Variants in IST1 observed in about 807,000 individuals in gnomAD.
IST1 encodes IST1 factor associated with ESCRT-III, also known as IST1 homolog.
In IST1, 23 loss-of-function variants were observed where a neutral mutation model predicts 37.0. The ratio of observed to expected loss-of-function variants is 0.62; its 90% CI spans 0.45 to 0.88. The LOEUF (loss-of-function observed/expected upper bound fraction) is 0.88, where lower values mean the gene tolerates loss of function less well. Among genes scored for constraint, IST1 ranks in the 40% least tolerant of loss-of-function variants. The pLI, the probability that IST1 is intolerant of heterozygous loss-of-function variation, is 0.00. For missense variants in IST1, 488 were observed against 445.4 expected (o/e 1.10, Z -0.86); for synonymous variants, 180 against 161.7 (o/e 1.11, Z -0.86).
chr16:71,922,992 A>G (rs1006341045), intron 7 of IST1: 5 of 486,332 alleles, frequency 1.0e-5, no homozygotes, highest in Non-Finnish European at 1.8e-5. Context: ...AATTATTACC[A>G]GGCAGAACAA....
intron 4 of IST1, among the ~76,000 whole-genome samples, chr16:71,918,417 C>CTT (rs71695136): frequency 8.7e-6 from 1 of 115,330 alleles, no homozygotes; most frequent in African/African-American, 3.2e-5. Flanking sequence ...CTTATGTAGG[C>CTT]TTTTTTTTTT....
At chr16:71,912,232 C>T (rs1395046097) in intron 1 of IST1, among the ~76,000 whole-genome samples, 1 of 151,932 alleles carries the variant, frequency 6.6e-6, no homozygotes, top group Non-Finnish European at 1.5e-5. Context: ...CCTGTTCTGT[C>T]TCCATTATAA....
intron 1 of IST1, among the ~76,000 whole-genome samples, chr16:71,904,118 T>G (rs908757315): frequency 1.3e-5 from 2 of 152,082 alleles, no homozygotes; most frequent in African/African-American, 4.8e-5. Flanking sequence ...GTTCTATTTG[T>G]TTGGTGGTGG....
chr16:71,928,053 T>C lies in IST1; in HGVS notation c.*240T>C, dbSNP rs555822751. 88 of 482,774 alleles carry C rather than the reference T, an allele frequency of 1.8e-4. No individual in the cohort carries two copies. Among genetic ancestry groups the C allele is most frequent in the African/African-American group, 1.4e-3 (71 of 51,114 alleles). The allele number at this position is 482,774 out of a possible 1,614,324, so 29.9% of individuals were successfully genotyped here. A position where few individuals can be genotyped will look rare whatever the true frequency, so the allele number is the denominator to read the frequency against. On this transcript the variant is annotated 3_prime_UTR_variant, in exon 10 of 10. Coordinates refer to ENST00000378799, the MANE Select transcript of IST1 (RefSeq NM_001270975.2). ...GGCTCCTGGCAGCTGTGCTTGTCCG[T>C]TTCCTGTCAGAGTGATCCCAGGTTT...
chr16:71,915,669 G>A lies in IST1; in HGVS notation c.29G>A (p.Arg10His), dbSNP rs141817139. The change falls in exon 2 of 10, where the codon CGC becomes CAC. Residue 10 changes from arginine to histidine, a missense_variant. By Grantham distance (29) the Arg-to-His change is conservative. Around this residue, in one of 2 missense-constraint regions of IST1, gnomAD observed 33 missense variants for 59.3 expected, o/e 0.56. Transcript: ENST00000378799. The stretch of plus-strand genomic sequence containing the variant: ...CTGGGCTCTGGATTTAAAGCTGAGC[G>A]CTTAAGAGTGAATTTGAGATTAGTC... MLGSGFKAERLRVNLRLVIN... is the reference protein window; with the variant it reads MLGSGFKAEHLRVNLRLVIN... 17 of 1,613,198 alleles carry A rather than the reference G, an allele frequency of 1.1e-5. No individual in the cohort carries two copies. The highest frequency in any genetic ancestry group is 3.3e-5 in the South Asian group (3 of 91,004).
intron 1 of IST1, chr16:71,903,051 T>C (rs553850664): frequency 3.3e-5 from 5 of 152,296 alleles, no homozygotes; most frequent in Non-Finnish European, 5.9e-5. Context: ...GCAGTGGGCA[T>C]GATCATAGCT....
chr16:71,927,394 CAGG>C (rs751757502), intron 9 of IST1, among the ~76,000 whole-genome samples: 97 of 150,990 alleles, frequency 6.4e-4, no homozygotes, highest in Non-Finnish European at 1.1e-3. Context: ...GAGGCTGAGG[CAGG>C]AGAATTGCCT....
At chr16:71,922,797 G>C (rs1752149625) in intron 7 of IST1, 117 bp downstream of exon 7, 1 of 792,140 alleles carries the variant, frequency 1.3e-6, no homozygotes, top group South Asian at 1.7e-5. Context: ...AAGAACATTT[G>C]GTATTAGCTG....
intron 1 of IST1, among the ~76,000 whole-genome samples, chr16:71,896,341 C>A (rs2036971433): frequency 6.6e-6 from 1 of 151,930 alleles, no homozygotes; most frequent in Non-Finnish European, 1.5e-5. Context: ...CACTGTCTGT[C>A]GTAGTAAACT....
chr16:71,920,613 A>C (rs2037557551), intron 4 of IST1, 126 bp from the exon 5 acceptor site: 1 of 646,566 alleles, frequency 1.5e-6, no homozygotes, highest in Non-Finnish European at 2.8e-6. Context: ...ATACCCCTTA[A>C]GGTTTTGCAG....
intron 1 of IST1, among the ~76,000 whole-genome samples, chr16:71,911,710 A>ATT (rs550809762): frequency 1.1e-3 from 96 of 90,854 alleles, no homozygotes; most frequent in African/African-American, 1.2e-3. Context: ...TTAAACTTCG[A>ATT]TTTTTTTTTT....
chr16:71,895,327 C>G (rs3812990), upstream of IST1: 33 of 158,322 alleles, frequency 2.1e-4, no homozygotes, highest in African/African-American at 4.3e-4. Context: ...TGGCGCTTCC[C>G]CCAACGTCTG....
At chr16:71,909,092 TGTC>T (rs1330840096) in intron 1 of IST1, among the ~76,000 whole-genome samples, 11 of 139,602 alleles carry the variant, frequency 7.9e-5, no homozygotes, top group African/African-American at 2.8e-4. Flanking sequence ...AAATTTTGTT[TGTC>T]TTTTTTTTTT....
In IST1 at chr16:71,928,517, AG is replaced by A. The variant is rs1214040596; in HGVS notation, c.*707del. ...TTGCGTGCTGTTTCCCTTGTACCAG[AG>A]GGCGGCACCGTGGAAATTCTGTTTT... is the stretch of plus-strand genomic sequence containing the variant. On this transcript the variant is annotated 3_prime_UTR_variant, in exon 10 of 10. Coordinates refer to ENST00000378799, the MANE Select transcript of IST1 (RefSeq NM_001270975.2). The A allele has an allele frequency of 1.3e-5, 2 of 152,726 alleles. No individual in the cohort carries two copies. Among genetic ancestry groups the A allele is most frequent in the East Asian group, 3.9e-4 (2 of 5,180 alleles). 9.5% of individuals were successfully genotyped at this position (152,726 alleles called of 1,614,324 possible).
chr16:71,903,220 A>C (rs2037147553), intron 1 of IST1: 1 of 152,170 alleles, frequency 6.6e-6, no homozygotes, highest in African/African-American at 2.4e-5. Flanking sequence ...GCCTCAAGTG[A>C]TCCTCTCCCC....
intron 4 of IST1, 62 bp from the exon 5 acceptor site, chr16:71,920,677 G>C: frequency 8.4e-7 from 1 of 1,190,662 alleles, no homozygotes; most frequent in Non-Finnish European, 1.2e-6. Flanking sequence ...TTGCCAGGAA[G>C]AAGCTTAAAG....
chr16:71,917,060 G>A lies in IST1; in HGVS notation c.283G>A (p.Gly95Ser), dbSNP rs775463774. Residue 95 changes from glycine to serine, a missense_variant, in exon 4 of 10, where the codon GGT becomes AGT. Around this residue, in one of 2 missense-constraint regions of IST1, gnomAD observed 455 missense variants for 386.2 expected, o/e 1.18. Transcript: ENST00000378799. ...TTCCTTGATTAGGGAACTAGATTCT[G>A]GTCTGGCTGAATCTGTGTCTACATT... ...LIQSMKELDS[G>S]LAESVSTLIW... The A allele has an allele frequency of 3.1e-6, 5 of 1,603,634 alleles. No individual in the cohort carries two copies. The highest frequency in any genetic ancestry group is 4.3e-6 in the Non-Finnish European group (5 of 1,175,630).
At chr16:71,895,439 G>C (rs1472192204), upstream of IST1, 2 of 845,350 alleles carry the variant, frequency 2.4e-6, no homozygotes, top group African/African-American at 3.7e-5. Flanking sequence ...AGCGGCGATC[G>C]CGCAGCCAAT....
intron 1 of IST1, among the ~76,000 whole-genome samples, chr16:71,901,636 C>T (rs188842057): frequency 2.6e-5 from 4 of 152,220 alleles, no homozygotes; most frequent in East Asian, 1.9e-4. Context: ...TTAGTTTCTT[C>T]GTAAAATGGG....
Sources: allele counts gnomAD v4.1 joint callset (sites outside exome capture counted in the v4.1 genomes callset), GRCh38; gene constraint gnomAD v4.1.1; regional missense constraint gnomAD v4.1.1; transcripts MANE v1.5; gene names NCBI Gene and HGNC (gene_info 2026-07-23, HGNC 2026-07-21).